Variants in FBXO8 observed in about 807,000 individuals in gnomAD.
FBXO8 encodes the protein F-box only protein 8.
Under a neutral mutation model 33.4 loss-of-function variants are expected in FBXO8, and 15 were observed. That is an observed-to-expected ratio of 0.45 (90% confidence interval 0.30 to 0.69). The LOEUF is 0.69. Among genes scored for constraint, FBXO8 ranks in the 30% least tolerant of loss-of-function variants. The pLI, the probability that FBXO8 is intolerant of heterozygous loss-of-function variation, is 0.08. For missense variants in FBXO8, 274 were observed against 380.3 expected (o/e 0.72, Z 2.32); for synonymous variants, 132 against 131.5 (o/e 1.00, Z -0.02).
intron 1 of FBXO8, among the ~76,000 whole-genome samples, chr4:174,271,386 A>C (rs1736836168): frequency 6.6e-6 from 1 of 151,940 alleles, no homozygotes; most frequent in Non-Finnish European, 1.5e-5. Context: ...GAGGATATTA[A>C]CATCTCTGGG....
rs1412500390 is a variant in FBXO8 at position 174,262,970 on chromosome 4, G to A, written c.123C>T (p.Thr41=). The A allele has an allele frequency of 1.2e-6, 2 of 1,613,876 alleles. No homozygotes were observed. The highest frequency in any genetic ancestry group is 2.2e-5 in the South Asian group (2 of 91,088). The change falls in exon 2 of 6, where the codon ACC becomes ACT. Residue 41 remains threonine (T), a synonymous_variant. Transcript: ENST00000393674. This position sits in a 1 kb window ranked among gnomAD's most constrained non-coding sequence, Gnocchi z 4.6. The part of the protein sequence containing the change: ...RRMAASNISN[T]NHRKQVQGGI... ...CTCCTTGGACTTGTTTACGATGATT[G>A]GTGTTAGAAATGTTGCTCGCAGCCA...
At chr4:174,258,375 T>A (rs1472367151) in intron 3 of FBXO8, among the ~76,000 whole-genome samples, 3 of 152,182 alleles carry the variant, frequency 2.0e-5, no homozygotes, top group Non-Finnish European at 2.9e-5. Context: ...ATCCATTTAT[T>A]TGCCTTTCTG....
Position 174,256,724 on chromosome 4 carries a change from A to G in FBXO8, c.456+2975T>C, listed in dbSNP as rs980326723. The stretch of plus-strand genomic sequence containing the variant: ...CTAAGTGCATTCTGGTAAAGATAGC[A>G]TTTTCTTTTGCTATTAGGTAACATC... On this transcript the variant is annotated intron_variant, in intron 3 of 5. Transcript: ENST00000393674. The surrounding 1 kb of genome is among the most constrained non-coding windows in gnomAD (Gnocchi z 4.6). Among the ~76,000 whole-genome samples, 4 of 152,136 alleles carry G rather than the reference A, an allele frequency of 2.6e-5. No individual in the cohort carries two copies. The highest frequency in any genetic ancestry group is 9.7e-5 in the African/African-American group (4 of 41,426).
At chr4:174,279,073 A>T (rs1165868496) in intron 1 of FBXO8, among the ~76,000 whole-genome samples, 1 of 152,062 alleles carries the variant, frequency 6.6e-6, no homozygotes, top group Non-Finnish European at 1.5e-5. Context: ...CAAGAAAAAA[A>T]GTAAAAGACA....
rs186618559 is a variant in FBXO8, at chr4:174,241,499, G to A, written c.457-281C>T. On this transcript the variant is annotated intron_variant, in intron 3 of 5. Transcript: ENST00000393674. This position sits in a 1 kb window ranked among gnomAD's most constrained non-coding sequence, Gnocchi z 4.2. The stretch of plus-strand genomic sequence containing the variant: ...GGTAAAACTAACTATACAGAAATAC[G>A]GCCTAATTTGGGGAAGGGGGCTGCA... Among the ~76,000 whole-genome samples, 35 of 151,498 alleles carry A rather than the reference G, an allele frequency of 2.3e-4. No homozygotes were observed. The highest frequency in any genetic ancestry group is 2.1e-3 in the Admixed American group (32 of 15,180).
At chr4:174,282,758 G>T (rs1410925438) in intron 1 of FBXO8, among the ~76,000 whole-genome samples, 2 of 152,078 alleles carry the variant, frequency 1.3e-5, no homozygotes, top group Non-Finnish European at 2.9e-5. Context: ...AAAACAAGTA[G>T]AATCAATTAT....
Position 174,254,497 on chromosome 4 carries a change from T to C in FBXO8, c.456+5202A>G, listed in dbSNP as rs1313931070. Among the ~76,000 whole-genome samples, 1 of 152,214 alleles carries C rather than the reference T, an allele frequency of 6.6e-6. No individual in the cohort carries two copies. The highest frequency in any genetic ancestry group is 2.1e-4 in the South Asian group (1 of 4,826). ...CAGGAGGTACTAAGATTTAAAAGAG[T>C]TAGTACAGAGAATGCGATACCAAGT... is the stretch of plus-strand genomic sequence containing the variant. On this transcript the variant is annotated intron_variant, in intron 3 of 5. Coordinates refer to ENST00000393674, the MANE Select transcript of FBXO8 (RefSeq NM_012180.3). This position sits in a 1 kb window ranked among gnomAD's most constrained non-coding sequence, Gnocchi z 4.2.
In FBXO8 at chr4:174,275,380, T is replaced by C. The variant is rs998936048; in HGVS notation, c.-9+8030A>G. Among the ~76,000 whole-genome samples, 1 of 152,198 alleles carries C rather than the reference T, an allele frequency of 6.6e-6. No individual in the cohort carries two copies. Among genetic ancestry groups the C allele is most frequent in the East Asian group, 1.9e-4 (1 of 5,180 alleles). ...TAAAACTAGGGGAATATGAGTAAGATGGGGGATTGTATCAATGTCAAAATC... is the reference window on the plus strand; with the variant it reads ...TAAAACTAGGGGAATATGAGTAAGACGGGGGATTGTATCAATGTCAAAATC... On this transcript the variant is annotated intron_variant, in intron 1 of 5. Transcript: ENST00000393674. This position sits in a 1 kb window ranked among gnomAD's most constrained non-coding sequence, Gnocchi z 4.4.
chr4:174,252,312 T>C lies in FBXO8; in HGVS notation c.456+7387A>G, dbSNP rs533416832. Among the ~76,000 whole-genome samples the C allele has an allele frequency of 6.6e-6, 1 of 152,234 alleles. No individual in the cohort carries two copies. The highest frequency in any genetic ancestry group is 2.1e-4 in the South Asian group (1 of 4,818). ...TTAAAAATTTGCATTGAGGATTACA[T>C]CTCAAACTCCTAAGAGTCTGGATAA... is the stretch of plus-strand genomic sequence containing the variant. On this transcript the variant is annotated intron_variant, in intron 3 of 5. Coordinates refer to ENST00000393674, the MANE Select transcript of FBXO8 (RefSeq NM_012180.3). This position sits in a 1 kb window ranked among gnomAD's most constrained non-coding sequence, Gnocchi z 5.1.
In FBXO8 at chr4:174,241,704, T is replaced by C. The variant is rs1406979426; in HGVS notation, c.457-486A>G. On this transcript the variant is annotated intron_variant, in intron 3 of 5. Coordinates refer to ENST00000393674, the MANE Select transcript of FBXO8 (RefSeq NM_012180.3). The surrounding 1 kb of genome is among the most constrained non-coding windows in gnomAD (Gnocchi z 4.2). ...GCAATTTTATTCTGGGAGAAAAATATTAAATTATTTAACTTAAAGTAAAGG... is the reference window on the plus strand; with the variant it reads ...GCAATTTTATTCTGGGAGAAAAATACTAAATTATTTAACTTAAAGTAAAGG... 6.6e-6 allele frequency among the ~76,000 whole-genome samples: 1 copy of C among 151,496 alleles called. No individual in the cohort carries two copies. The highest frequency in any genetic ancestry group is 1.5e-5 in the Non-Finnish European group (1 of 67,590).
intron 3 of FBXO8, among the ~76,000 whole-genome samples, chr4:174,249,940 G>A (rs1736249126): frequency 6.6e-6 from 1 of 151,976 alleles, no homozygotes; most frequent in African/African-American, 2.4e-5. Context: ...TTCGTCAGGT[G>A]TCATATAGTT....
At chr4:174,239,666 C>T (rs1229706128) in intron 4 of FBXO8, among the ~76,000 whole-genome samples, 1 of 151,626 alleles carries the variant, frequency 6.6e-6, no homozygotes, top group Non-Finnish European at 1.5e-5. Flanking sequence ...TTTGTTTTTG[C>T]TTTTTTCACA....
Position 174,254,416 on chromosome 4 carries a change from A to G in FBXO8, c.456+5283T>C, listed in dbSNP as rs564629447. On this transcript the variant is annotated intron_variant, in intron 3 of 5. Transcript: ENST00000393674. This position sits in a 1 kb window ranked among gnomAD's most constrained non-coding sequence, Gnocchi z 4.2. ...AACCTCAAAAGGTAGTATATTTTCT[A>G]AAGTAAAAAGTATCTTAGTGGCCTG... Among the ~76,000 whole-genome samples the G allele has an allele frequency of 1.6e-3, 237 of 152,292 alleles. No individual in the cohort carries two copies. The highest frequency in any genetic ancestry group is 2.5e-3 in the Non-Finnish European group (168 of 68,016).
rs530605222 is a variant in FBXO8 at position 174,257,348 on chromosome 4, A to G, written c.456+2351T>C. On this transcript the variant is annotated intron_variant, in intron 3 of 5. Transcript: ENST00000393674. This position sits in a 1 kb window ranked among gnomAD's most constrained non-coding sequence, Gnocchi z 4.3. ...AAGGAAAGACTACTTACCATAATCA[A>G]TATCAGCAATTACATCCAACTTTTC... 1.3e-5 allele frequency among the ~76,000 whole-genome samples: 2 copies of G among 152,282 alleles called. No homozygotes were observed. The highest frequency in any genetic ancestry group is 4.8e-5 in the African/African-American group (2 of 41,558).
intron 4 of FBXO8, among the ~76,000 whole-genome samples, chr4:174,239,899 G>A (rs1275842602): frequency 6.6e-6 from 1 of 151,440 alleles, no homozygotes. Context: ...AATTCTTATT[G>A]AACTCAATCA....
rs752964223 is a variant in FBXO8 at position 174,256,555 on chromosome 4, T to C, written c.456+3144A>G. ...CTTACATGATTTCAATTTTGAATAC[T>C]TGACTTGGTAAACAATTAGCCAAGT... On this transcript the variant is annotated intron_variant, in intron 3 of 5. Transcript: ENST00000393674. This position sits in a 1 kb window ranked among gnomAD's most constrained non-coding sequence, Gnocchi z 4.6. 1.0e-3 allele frequency among the ~76,000 whole-genome samples: 159 copies of C among 152,306 alleles called. No individual in the cohort carries two copies. The highest frequency in any genetic ancestry group is 3.6e-3 in the African/African-American group (148 of 41,562).
Position 174,267,372 on chromosome 4 carries a change from C to T in FBXO8, c.-8-4272G>A, listed in dbSNP as rs929886659. ...CAAGACCAGACTGGGCAACATAGAC[C>T]CCGTTTCAACAAAATACAAAAAAAG... On this transcript the variant is annotated intron_variant, in intron 1 of 5. Coordinates refer to ENST00000393674, the MANE Select transcript of FBXO8 (RefSeq NM_012180.3). The surrounding 1 kb of genome is among the most constrained non-coding windows in gnomAD (Gnocchi z 4.7). Among the ~76,000 whole-genome samples the T allele has an allele frequency of 6.6e-6, 1 of 151,854 alleles. No individual in the cohort carries two copies. Among genetic ancestry groups the T allele is most frequent in the African/African-American group, 2.4e-5 (1 of 41,338 alleles).
rs1736368225 is a variant in FBXO8 at position 174,254,278 on chromosome 4, G to A, written c.456+5421C>T. On this transcript the variant is annotated intron_variant, in intron 3 of 5. Coordinates refer to ENST00000393674, the MANE Select transcript of FBXO8 (RefSeq NM_012180.3). This position sits in a 1 kb window ranked among gnomAD's most constrained non-coding sequence, Gnocchi z 4.2. ...CTATCTGGCATTGTTTGAAGTATGT[G>A]TGTCTTACTGTCAACTTGGTTCACA... 6.6e-6 allele frequency among the ~76,000 whole-genome samples: 1 copy of A among 152,104 alleles called. No homozygotes were observed. Among genetic ancestry groups the A allele is most frequent in the Non-Finnish European group, 1.5e-5 (1 of 68,018 alleles).
In FBXO8 at chr4:174,239,178, C is replaced by T. The variant is rs768439764; in HGVS notation, c.588G>A (p.Leu196=). Residue 196 remains leucine, a synonymous_variant, in exon 5 of 6, where the codon TTG becomes TTA. Coordinates refer to ENST00000393674, the MANE Select transcript of FBXO8 (RefSeq NM_012180.3). ...AATTATGCAATGTTACAAGGTCATC[C>T]AAGACATCTCTCCTACAGAAAGAAA... ...RIYLDERRDV[L]DDLVTLHNFR... The T allele has an allele frequency of 2.5e-6, 4 of 1,568,648 alleles. No individual in the cohort carries two copies. Among genetic ancestry groups the T allele is most frequent in the Non-Finnish European group, 3.5e-6 (4 of 1,155,594 alleles).
Sources: gnomAD v4.1 joint callset for allele counts (sites outside exome capture counted in the v4.1 genomes callset) on GRCh38, gnomAD v4.1.1 for gene constraint, Gnocchi (gnomAD v3.1) non-coding constraint, MANE v1.5 for transcripts, NCBI Gene and HGNC (gene_info 2026-07-23, HGNC 2026-07-21) for gene names.